VPS37A: variants seen among roughly 807,000 people sequenced by gnomAD.
VPS37A encodes the protein vacuolar protein sorting-associated protein 37A.
A neutral mutation model predicts 49.8 loss-of-function variants in VPS37A; 30 were observed. That is an observed-to-expected ratio of 0.60 (90% CI 0.45 to 0.82). The LOEUF (loss-of-function observed/expected upper bound fraction) is 0.82. Ranked by LOEUF, VPS37A falls within the 40% of genes least tolerant of loss-of-function variation. The probability of loss-of-function intolerance (pLI) is 0.00; values close to 1 mark genes in which losing one functional copy is unlikely to be tolerated. For missense variants in VPS37A, 593 were observed against 464.4 expected (o/e 1.28, Z -2.55); for synonymous variants, 195 against 160.6 (o/e 1.21, Z -1.62).
the VPS37A span, among the ~76,000 whole-genome samples, chr8:17,326,107 G>A: frequency 6.6e-6 from 1 of 152,118 alleles, no homozygotes; most frequent in African/African-American, 2.4e-5. Flanking sequence ...CCCAAACCTA[G>A]GACTTCACAC....
At position 17,277,335 on chromosome 8, in the gene VPS37A, A is replaced by T. The variant is rs532216658; in HGVS notation, c.713+868A>T. Among the ~76,000 whole-genome samples, 245 of 152,268 alleles carry T rather than the reference A, an allele frequency of 1.6e-3. 1 individual carries two copies. Among genetic ancestry groups the T allele is most frequent in the African/African-American group, 5.5e-3 (227 of 41,568 alleles). On this transcript the variant is annotated intron_variant, in intron 6 of 11. Coordinates refer to ENST00000324849, the MANE Select transcript of VPS37A (RefSeq NM_152415.3). The stretch of plus-strand genomic sequence containing the variant: ...TTGTAATGCTCACAATAACCCCATA[A>T]GGTAGGAGTTCTCATTTAATAAGAT...
intron 10 of VPS37A, among the ~76,000 whole-genome samples, chr8:17,285,701 A>G (rs1167061828): frequency 6.6e-6 from 1 of 152,182 alleles, no homozygotes; most frequent in Non-Finnish European, 1.5e-5. Flanking sequence ...TAGTGTTAGT[A>G]AGGCATTGAT....
At chr8:17,261,477 T>C (rs924258822) in intron 1 of VPS37A, among the ~76,000 whole-genome samples, 4 of 152,228 alleles carry the variant, frequency 2.6e-5, no homozygotes, top group Non-Finnish European at 5.9e-5. Flanking sequence ...CATTTGTTCT[T>C]TGTTTCATCC....
At chr8:17,282,291 G>A (rs1054616980) in intron 9 of VPS37A, among the ~76,000 whole-genome samples, 2 of 151,972 alleles carry the variant, frequency 1.3e-5, no homozygotes, top group South Asian at 2.1e-4. Flanking sequence ...TTATAAAATT[G>A]GTTATTTAGT....
At chr8:17,269,909 T>C (rs1275099715) in intron 4 of VPS37A, among the ~76,000 whole-genome samples, 1 of 151,964 alleles carries the variant, frequency 6.6e-6, no homozygotes, top group Non-Finnish European at 1.5e-5. Context: ...AGAAAAGAGG[T>C]TTAATTGGCT....
chr8:17,330,978 G>A, the VPS37A span, among the ~76,000 whole-genome samples: 1 of 152,290 alleles, frequency 6.6e-6, no homozygotes, highest in East Asian at 1.9e-4. Context: ...TCACAGTGAT[G>A]CTTACAAATA....
intron 8 of VPS37A, 24 bp from the exon 9 acceptor site, chr8:17,280,351 C>G (rs748444097): frequency 3.1e-6 from 5 of 1,601,946 alleles, no homozygotes; most frequent in East Asian, 2.2e-5. Context: ...TAGAATAAAA[C>G]AACCTTTTCA....
At chr8:17,313,946 A>G in the VPS37A span, among the ~76,000 whole-genome samples, 1 of 152,204 alleles carries the variant, frequency 6.6e-6, no homozygotes, top group Non-Finnish European at 1.5e-5. Flanking sequence ...AAGGCCTGTA[A>G]GCTTAAAAAT....
chr8:17,279,067 T>C (rs1413375600), intron 6 of VPS37A, among the ~76,000 whole-genome samples: 1 of 152,122 alleles, frequency 6.6e-6, no homozygotes, highest in African/African-American at 2.4e-5. Context: ...TGTACACACA[T>C]ATACATAAAC....
the VPS37A span, among the ~76,000 whole-genome samples, chr8:17,313,717 A>C: frequency 7.4e-4 from 112 of 152,330 alleles, no homozygotes; most frequent in African/African-American, 2.6e-3. Context: ...TTGCCTTTCC[A>C]GCAAAGTAAT....
intron 1 of VPS37A, among the ~76,000 whole-genome samples, chr8:17,249,458 T>G (rs541093714): frequency 4.6e-5 from 7 of 152,368 alleles, no homozygotes; most frequent in Non-Finnish European, 8.8e-5. Context: ...ACTAAGTATT[T>G]TATTGTTTTA....
chr8:17,252,543 G>A (rs1350202842), intron 1 of VPS37A, among the ~76,000 whole-genome samples: 1 of 152,096 alleles, frequency 6.6e-6, no homozygotes, highest in Non-Finnish European at 1.5e-5. Context: ...AAATTAAAAG[G>A]CAGAAGATTT....
the VPS37A span, among the ~76,000 whole-genome samples, chr8:17,330,677 G>T: frequency 6.6e-6 from 1 of 152,178 alleles, no homozygotes; most frequent in Admixed American, 6.5e-5. Context: ...GTGGCGGGAG[G>T]TTACATGCAT....
At chr8:17,269,686 T>C (rs1813799887) in intron 4 of VPS37A, among the ~76,000 whole-genome samples, 1 of 152,212 alleles carries the variant, frequency 6.6e-6, no homozygotes, top group African/African-American at 2.4e-5. Flanking sequence ...TTTCCTTTGT[T>C]GTCATCCTGG....
chr8:17,249,969 C>T (rs571549502), intron 1 of VPS37A, among the ~76,000 whole-genome samples: 1 of 152,260 alleles, frequency 6.6e-6, no homozygotes, highest in South Asian at 2.1e-4. Flanking sequence ...GTAGGGGAAA[C>T]CCACCAAGGC....
chr8:17,304,273 A>T (rs950130722), downstream of VPS37A: 27 of 1,294,340 alleles, frequency 2.1e-5, no homozygotes, highest in Non-Finnish European at 2.8e-5. Context: ...TTTGTGTCCA[A>T]TAAAAGCCTC....
At chr8:17,299,801 T>C (rs889728060), downstream of VPS37A, 21 of 1,585,860 alleles carry the variant, frequency 1.3e-5, no homozygotes, top group Non-Finnish European at 1.7e-5. Context: ...AACCACCTTG[T>C]TCCCTTGTTT....
chr8:17,276,384 A>C lies in VPS37A; in HGVS notation c.643-13A>C. 1 of 1,605,756 alleles carries C rather than the reference A, an allele frequency of 6.2e-7. No homozygotes were observed. The highest frequency in any genetic ancestry group is 8.5e-7 in the Non-Finnish European group (1 of 1,177,046). Reference sequence around the variant, plus strand: ...ATGGCTGAAATTTAATATCATTTAAAACTTTTCTTTAGACAAGCCAAAATG... The same window carrying C: ...ATGGCTGAAATTTAATATCATTTAACACTTTTCTTTAGACAAGCCAAAATG... On this transcript the variant is annotated splice_polypyrimidine_tract_variant and intron_variant, in intron 5 of 11. Coordinates refer to ENST00000324849, the MANE Select transcript of VPS37A (RefSeq NM_152415.3).
chr8:17,263,682 T>C (rs1813172234), intron 1 of VPS37A, among the ~76,000 whole-genome samples: 1 of 152,162 alleles, frequency 6.6e-6, no homozygotes, highest in African/African-American at 2.4e-5. Flanking sequence ...TCTGAAAAAC[T>C]GAGGAGTTAA....
Sources: gnomAD v4.1 joint callset for allele counts (sites outside exome capture counted in the v4.1 genomes callset) on GRCh38, gnomAD v4.1.1 for gene constraint, MANE v1.5 for transcripts, NCBI Gene and HGNC (gene_info 2026-07-23, HGNC 2026-07-21) for gene names.